Variants in NRCAM observed in about 807,000 individuals in gnomAD.
NRCAM encodes NgCAM-related cell adhesion molecule.
A neutral mutation model predicts 156.5 loss-of-function variants in NRCAM; 83 were observed. The ratio of observed to expected loss-of-function variants is 0.53; its 90% CI spans 0.44 to 0.64. The LOEUF is 0.64. Ranked by LOEUF, NRCAM falls within the 30% of genes least tolerant of loss-of-function variation. The pLI is 0.00. For missense variants in NRCAM, 1,417 were observed against 1,597.3 expected, an observed-to-expected ratio of 0.89 and a Z score of 1.92; for synonymous variants, 538 against 563.9, an observed-to-expected ratio of 0.95 and a Z score of 0.65.
At chr7:108,390,068 A>C (rs2099754615) in intron 2 of NRCAM, among the ~76,000 whole-genome samples, 2 of 152,222 alleles carry the variant, frequency 1.3e-5, no homozygotes, top group Admixed American at 6.5e-5. Context: ...TGCTGGCCTC[A>C]TAAAATGACT....
intron 2 of NRCAM, among the ~76,000 whole-genome samples, chr7:108,384,490 A>C (rs2099729324): frequency 2.6e-5 from 4 of 152,222 alleles, no homozygotes; most frequent in Admixed American, 2.6e-4. Context: ...GCTAAAAAAA[A>C]ATCCATCAGT....
intron 2 of NRCAM, among the ~76,000 whole-genome samples, chr7:108,313,895 C>T (rs182809460): frequency 1.1e-3 from 161 of 152,180 alleles, no homozygotes; most frequent in South Asian, 1.2e-3. Context: ...ATATTGAGCA[C>T]TTAATACATA....
At chr7:108,393,716 T>C (rs2099768834) in intron 2 of NRCAM, among the ~76,000 whole-genome samples, 1 of 152,200 alleles carries the variant, frequency 6.6e-6, no homozygotes, top group Non-Finnish European at 1.5e-5. Flanking sequence ...TATTCAGCCA[T>C]CTTGGAACCC....
chr7:108,308,450 G>A (rs2098751102), intron 3 of NRCAM, among the ~76,000 whole-genome samples: 1 of 152,198 alleles, frequency 6.6e-6, no homozygotes, highest in Non-Finnish European at 1.5e-5. Flanking sequence ...TAAATGCTAA[G>A]TGCTCTACAT....
intron 11 of NRCAM, among the ~76,000 whole-genome samples, chr7:108,222,954 T>C (rs1300524511): frequency 6.6e-6 from 1 of 152,196 alleles, no homozygotes; most frequent in African/African-American, 2.4e-5. Context: ...CAAAGGCGCG[T>C]CAGTTCTGGG....
chr7:108,368,739 C>T (rs1024183708), intron 2 of NRCAM, among the ~76,000 whole-genome samples: 1 of 151,986 alleles, frequency 6.6e-6, no homozygotes, highest in African/African-American at 2.4e-5. Flanking sequence ...AAAAAACAAG[C>T]GTGAAGTAGA....
intron 32 of NRCAM, among the ~76,000 whole-genome samples, chr7:108,154,425 T>C (rs986921409): frequency 2.0e-5 from 3 of 152,198 alleles, no homozygotes; most frequent in Non-Finnish European, 4.4e-5. Flanking sequence ...ATTATAATAT[T>C]TGCTTGTTGA....
In NRCAM at chr7:108,223,726, G is replaced by A. The variant is rs1166299983; in HGVS notation, c.889C>T (p.Leu297=). ...VLSLECIAEG[L]PTPIIYWAKE... is the part of the protein sequence containing the mutation. ...TCAGGACAGAAAGTGTTAACTCACA[G>A]TCCTTCTGCAATGCACTCCAGTGAA... Residue 297 remains leucine, a splice_region_variant and synonymous_variant, in exon 11 of 33, where the codon CTG becomes TTG. Transcript: ENST00000379028. 4.7e-6 allele frequency: 7 copies of A among 1,477,098 alleles called. No homozygotes were observed. The highest frequency in any genetic ancestry group is 6.6e-6 in the Non-Finnish European group (7 of 1,055,844). The allele number at this position is 1,477,098 out of a possible 1,614,324, so 91.5% of individuals were successfully genotyped here.
At chr7:108,314,200 C>G (rs1004403938) in intron 2 of NRCAM, among the ~76,000 whole-genome samples, 3 of 152,140 alleles carry the variant, frequency 2.0e-5, no homozygotes, top group African/African-American at 7.2e-5. Flanking sequence ...GAAGGGTTTG[C>G]AAAGACCACC....
chr7:108,270,362 T>C (rs867055177), intron 3 of NRCAM, among the ~76,000 whole-genome samples: 3 of 152,208 alleles, frequency 2.0e-5, no homozygotes, highest in Admixed American at 1.3e-4. Context: ...CAAGGTTCCC[T>C]TCTTGTGGAG....
chr7:108,300,385 T>C (rs539919176), intron 3 of NRCAM, among the ~76,000 whole-genome samples: 1 of 152,118 alleles, frequency 6.6e-6, no homozygotes, highest in South Asian at 2.1e-4. Flanking sequence ...TGCAATAAAA[T>C]GTTAGAGGAT....
chr7:108,317,579 T>C (rs984264163), intron 2 of NRCAM, among the ~76,000 whole-genome samples: 1 of 152,118 alleles, frequency 6.6e-6, no homozygotes, highest in African/African-American at 2.4e-5. Flanking sequence ...GAAGGCTCTG[T>C]GTGATGGCTA....
Position 108,191,246 on chromosome 7 carries a change from T to G in NRCAM, c.1933+8A>C, listed in dbSNP as rs776419307. On this transcript the variant is annotated splice_region_variant and intron_variant, in intron 19 of 32. Coordinates refer to ENST00000379028, the MANE Select transcript of NRCAM (RefSeq NM_001037132.4). ...GAAAACAGAGAAAGAAGACTCATAT[T>G]AGTTTACCGTAAACGGGAGCTGGAG... 3 of 1,602,282 alleles carry G rather than the reference T, an allele frequency of 1.9e-6. No individual in the cohort carries two copies. The highest frequency in any genetic ancestry group is 2.2e-5 in the East Asian group (1 of 44,686).
intron 1 of NRCAM, among the ~76,000 whole-genome samples, chr7:108,429,478 C>G (rs776183037): frequency 9.2e-5 from 14 of 152,232 alleles, no homozygotes; most frequent in Non-Finnish European, 1.5e-4. Context: ...AGGCATGAGC[C>G]ATTGCGCCCA....
At chr7:108,442,056 T>C (rs1357375095) in intron 1 of NRCAM, among the ~76,000 whole-genome samples, 1 of 152,236 alleles carries the variant, frequency 6.6e-6, no homozygotes, top group Non-Finnish European at 1.5e-5. Flanking sequence ...TGATCTCATT[T>C]CCTAAAATTC....
At chr7:108,328,964 T>C (rs1447745220) in intron 2 of NRCAM, among the ~76,000 whole-genome samples, 4 of 152,204 alleles carry the variant, frequency 2.6e-5, no homozygotes, top group Non-Finnish European at 4.4e-5. Flanking sequence ...ATCACATAGA[T>C]GGTAGAACTT....
At chr7:108,334,984 AC>A (rs1424041928) in intron 2 of NRCAM, among the ~76,000 whole-genome samples, 23 of 152,168 alleles carry the variant, frequency 1.5e-4, no homozygotes, top group African/African-American at 4.8e-4. Flanking sequence ...CATTTGTTGA[AC>A]CCTTCTATCA....
intron 1 of NRCAM, among the ~76,000 whole-genome samples, chr7:108,431,167 G>T (rs1824605875): frequency 6.6e-6 from 1 of 152,152 alleles, no homozygotes; most frequent in African/African-American, 2.4e-5. Context: ...ATGTCAGCAG[G>T]GAAAATGAAG....
intron 3 of NRCAM, among the ~76,000 whole-genome samples, chr7:108,293,551 G>C (rs905336255): frequency 2.0e-5 from 3 of 152,174 alleles, no homozygotes; most frequent in African/African-American, 7.2e-5. Context: ...GGAAGTCTAA[G>C]TGCAGGCAGT....
Sources: allele counts gnomAD v4.1 joint callset (sites outside exome capture counted in the v4.1 genomes callset), GRCh38; gene constraint gnomAD v4.1.1; transcripts MANE v1.5; gene names NCBI Gene and HGNC (gene_info 2026-07-23, HGNC 2026-07-21).